Variants in ARAP2 observed in about 807,000 individuals in gnomAD.
The protein encoded by ARAP2 is arf-GAP with Rho-GAP domain, ANK repeat and PH domain-containing protein 2.
In ARAP2, 148 loss-of-function variants were observed where a neutral mutation model predicts 194.5. The observed-to-expected ratio is 0.76, with a 90% CI of 0.67 to 0.87. The LOEUF is 0.87. ARAP2 is among the 40% of genes least tolerant of loss of function. ARAP2 has a pLI of 0.00. For missense variants in ARAP2, 2,128 were observed against 1,989.7 expected (o/e 1.07, Z -1.32); for synonymous variants, 695 against 683.5 (o/e 1.02, Z -0.26).
At chr4:36,008,373 C>A (rs1235914910) in intron 9 of ARAP2, among the ~76,000 whole-genome samples, 2 of 151,854 alleles carry the variant, frequency 1.3e-5, no homozygotes, top group Non-Finnish European at 2.9e-5. Flanking sequence ...AATAGAGAAC[C>A]CAGAAATACA....
At chr4:36,184,961 T>C (rs1740177202) in intron 8 of ARAP2, among the ~76,000 whole-genome samples, 1 of 152,302 alleles carries the variant, frequency 6.6e-6, no homozygotes, top group South Asian at 2.1e-4. Flanking sequence ...CAGGCAATAA[T>C]TCACAAAAAG....
intron 26 of ARAP2, among the ~76,000 whole-genome samples, chr4:36,112,551 C>T (rs186487630): frequency 3.3e-5 from 5 of 151,816 alleles, no homozygotes; most frequent in Non-Finnish European, 5.9e-5. Context: ...AACCAAGTGA[C>T]CCATTCTTTA....
chr4:36,194,931 C>A (rs1484482416), intron 6 of ARAP2, among the ~76,000 whole-genome samples: 2 of 151,800 alleles, frequency 1.3e-5, no homozygotes, highest in African/African-American at 4.8e-5. Context: ...TGCTTATAAT[C>A]CCATCACTTT....
intron 8 of ARAP2, among the ~76,000 whole-genome samples, chr4:36,014,295 A>AAGAAAGAAGAGAAG (rs1553861836): frequency 2.4e-4 from 34 of 143,348 alleles, no homozygotes; most frequent in African/African-American, 9.0e-4. Flanking sequence ...GAAAGAAAGA[A>AAGAAAGAAGAGAAG]AGAAGAGAAG....
chr4:36,193,697 G>A (rs755042857), intron 6 of ARAP2, 50 bp from the exon 7 acceptor site: 1 of 1,351,676 alleles, frequency 7.4e-7, no homozygotes. Context: ...CATGAACTTA[G>A]ATTGTTAAAT....
intron 19 of ARAP2, among the ~76,000 whole-genome samples, chr4:36,135,398 C>T (rs1235857525): frequency 2.0e-5 from 3 of 151,794 alleles, no homozygotes. Context: ...TTACCACACT[C>T]ATTTTTAACA....
At chr4:36,142,453 T>C (rs1309059487) in intron 19 of ARAP2, among the ~76,000 whole-genome samples, 1 of 151,508 alleles carries the variant, frequency 6.6e-6, no homozygotes, top group Non-Finnish European at 1.5e-5. Flanking sequence ...TTTGACAAAG[T>C]GACCTCACTA....
Position 36,147,660 on chromosome 4 carries a change from C to A in ARAP2, c.3087G>T (p.Leu1029=). 1.2e-6 allele frequency: 2 copies of A among 1,613,312 alleles called. No homozygotes were observed. The highest frequency in any genetic ancestry group is 1.7e-6 in the Non-Finnish European group (2 of 1,179,616). ...GQLFYKDCHA[L]DQWRKGWFAM... ...CAAACCAGCCTTTTCTCCACTGATCCAGGGCATGGCAGTCTTTGTAGAAGA... is the reference window on the plus strand; with the variant it reads ...CAAACCAGCCTTTTCTCCACTGATCAAGGGCATGGCAGTCTTTGTAGAAGA... Residue 1029 remains leucine, a synonymous_variant, in exon 18 of 33, where the codon CTG becomes CTT. Transcript: ENST00000303965.
intron 27 of ARAP2, among the ~76,000 whole-genome samples, chr4:36,106,184 T>C (rs1230728359): frequency 6.6e-6 from 1 of 151,918 alleles, no homozygotes; most frequent in Non-Finnish European, 1.5e-5. Flanking sequence ...CATTCCTAGC[T>C]GAAAGCCACT....
chr4:36,019,072 T>C (rs1316029800), intron 6 of ARAP2: 9 of 149,648 alleles, frequency 6.0e-5, no homozygotes, highest in Admixed American at 3.3e-4. Flanking sequence ...CTAACTAATA[T>C]AGAAAGATTT....
intron 2 of ARAP2, among the ~76,000 whole-genome samples, chr4:36,221,438 C>T (rs982909380): frequency 6.6e-6 from 1 of 151,956 alleles, no homozygotes; most frequent in East Asian, 1.9e-4. Context: ...CAAGTTCACA[C>T]AACTCATAAG....
intron 27 of ARAP2, among the ~76,000 whole-genome samples, chr4:36,095,566 GCT>G (rs1360919755): frequency 6.6e-6 from 1 of 152,084 alleles, no homozygotes. Context: ...TGAATAAAAG[GCT>G]CTGTGTGCAT....
rs1390329188 is a variant in ARAP2 at position 36,067,879 on chromosome 4, T to A, written c.*28A>T. On this transcript the variant is annotated 3_prime_UTR_variant, in exon 33 of 33. Transcript: ENST00000303965. ...AAGATTGCATACAATATTAAAAAAA[T>A]AATCTGGGGAGCAATTCATTTTATT... 1 of 1,533,510 alleles carries A rather than the reference T, an allele frequency of 6.5e-7. No individual in the cohort carries two copies. The highest frequency in any genetic ancestry group is 2.3e-5 in the East Asian group (1 of 43,962). The allele number at this position is 1,533,510 out of a possible 1,614,324, so 95.0% of individuals were successfully genotyped here.
chr4:36,217,166 AG>A (rs1748112009), intron 2 of ARAP2, among the ~76,000 whole-genome samples: 1 of 152,226 alleles, frequency 6.6e-6, no homozygotes, highest in South Asian at 2.1e-4. Context: ...CATGCTTTAA[AG>A]GATTATAACT....
chr4:36,232,133 T>C (rs1751597202), intron 1 of ARAP2, among the ~76,000 whole-genome samples: 1 of 152,210 alleles, frequency 6.6e-6, no homozygotes, highest in Admixed American at 6.5e-5. Flanking sequence ...CCTCTAGAGC[T>C]GTGAGAAAAT....
At chr4:36,100,606 AT>A (rs149866187) in intron 27 of ARAP2, among the ~76,000 whole-genome samples, 1,837 of 151,864 alleles carry the variant, frequency 0.012, 23 homozygotes, top group East Asian at 0.025. Flanking sequence ...GTATAGATGT[AT>A]TTTTTTTATA....
chr4:36,037,365 C>T (rs1720101069), intron 5 of ARAP2, among the ~76,000 whole-genome samples: 1 of 152,096 alleles, frequency 6.6e-6, no homozygotes, highest in South Asian at 2.1e-4. Flanking sequence ...AGGACCTGTA[C>T]TTTGGGGATG....
At chr4:36,060,341 T>C (rs1170626894) in intron 1 of ARAP2, among the ~76,000 whole-genome samples, 2 of 152,226 alleles carry the variant, frequency 1.3e-5, no homozygotes, top group African/African-American at 4.8e-5. Flanking sequence ...ACAGTCATTT[T>C]GCTGAGTCAC....
intron 6 of ARAP2, among the ~76,000 whole-genome samples, chr4:36,209,036 G>A (rs1337228652): frequency 6.6e-6 from 1 of 152,076 alleles, no homozygotes; most frequent in Non-Finnish European, 1.5e-5. Flanking sequence ...GAATGTGCCT[G>A]GAGCATAAAC....
Sources: gnomAD v4.1 joint callset for allele counts (sites outside exome capture counted in the v4.1 genomes callset) on GRCh38, gnomAD v4.1.1 for gene constraint, MANE v1.5 for transcripts, NCBI Gene and HGNC (gene_info 2026-07-23, HGNC 2026-07-21) for gene names.